EVI5: variants seen among roughly 807,000 people sequenced by gnomAD.
EVI5 encodes the protein ecotropic viral integration site 5 protein homolog.
EVI5 carries 73 observed loss-of-function variants against 112.0 expected under a neutral mutation model. That is an observed-to-expected ratio of 0.65 (90% CI 0.54 to 0.79). The LOEUF (loss-of-function observed/expected upper bound fraction) is 0.79, where lower values mean the gene tolerates loss of function less well. EVI5 is among the 30% of genes least tolerant of loss of function. The pLI, the probability that EVI5 is intolerant of heterozygous loss-of-function variation, is 0.00. For missense variants in EVI5, 900 were observed against 968.8 expected (o/e 0.93, Z 0.94); for synonymous variants, 305 against 319.9 (o/e 0.95, Z 0.50).
chr1:92,561,271 T>C (rs184983145), intron 19 of EVI5, among the ~76,000 whole-genome samples: 2 of 152,292 alleles, frequency 1.3e-5, no homozygotes, highest in Admixed American at 6.5e-5. Context: ...TTTGTAGCAG[T>C]TGCAAATTTC....
At chr1:92,766,194 G>A (rs369965779) in intron 1 of EVI5, among the ~76,000 whole-genome samples, 32 of 150,954 alleles carry the variant, frequency 2.1e-4, no homozygotes, top group East Asian at 9.7e-4. Flanking sequence ...TATTTAAGCT[G>A]CACCTAAAAT....
At chr1:92,747,716 C>CAA (rs3042578) in intron 1 of EVI5, among the ~76,000 whole-genome samples, 52,743 of 81,534 alleles carry the variant, frequency 0.65, 17,577 homozygotes, top group South Asian at 0.85. Flanking sequence ...TCCATCTCAC[C>CAA]AAAAAAAAAA....
Position 92,778,097 on chromosome 1 carries a change from CG to C in EVI5, c.-82+6738del, listed in dbSNP as rs555622254. Among the ~76,000 whole-genome samples the C allele has an allele frequency of 4.6e-3, 700 of 151,980 alleles. 4 individuals are homozygous for C. The highest frequency in any genetic ancestry group is 0.016 in the African/African-American group (679 of 41,450). ...CTAATTTTTGTATTTTTAGTAGAGACGGGGTTTCACCATGTTGGCCAGGATG... is the reference window on the plus strand; with the variant it reads ...CTAATTTTTGTATTTTTAGTAGAGACGGGTTTCACCATGTTGGCCAGGATG... On this transcript the variant is annotated intron_variant, in intron 1 of 19. Transcript: ENST00000684568.
At chr1:92,520,277 A>G (rs1660676145) in intron 19 of EVI5, among the ~76,000 whole-genome samples, 1 of 152,174 alleles carries the variant, frequency 6.6e-6, no homozygotes, top group African/African-American at 2.4e-5. Flanking sequence ...CTTGTGAAAA[A>G]TAAAATTTCC....
intron 9 of EVI5, among the ~76,000 whole-genome samples, chr1:92,683,996 G>A (rs1403312294): frequency 2.0e-5 from 3 of 152,144 alleles, no homozygotes; most frequent in African/African-American, 7.2e-5. Flanking sequence ...TTATCCAAAA[G>A]AACTTCCCTA....
intron 18 of EVI5, among the ~76,000 whole-genome samples, chr1:92,585,602 A>G (rs1342745902): frequency 1.3e-5 from 2 of 152,232 alleles, no homozygotes; most frequent in East Asian, 1.9e-4. Context: ...AAAATTTGAT[A>G]TAATTCCAAT....
At chr1:92,666,985 G>A (rs950305148) in intron 10 of EVI5, among the ~76,000 whole-genome samples, 1 of 152,052 alleles carries the variant, frequency 6.6e-6, no homozygotes, top group African/African-American at 2.4e-5. Context: ...ACGTTCATAG[G>A]CTAAACATCA....
chr1:92,676,583 A>C (rs1001016925), intron 10 of EVI5, among the ~76,000 whole-genome samples: 7 of 152,264 alleles, frequency 4.6e-5, no homozygotes, highest in Non-Finnish European at 1.0e-4. Context: ...CACCTCAAGA[A>C]TTCCGTGTTT....
At chr1:92,672,880 A>G (rs553837748) in intron 10 of EVI5, among the ~76,000 whole-genome samples, 10 of 152,340 alleles carry the variant, frequency 6.6e-5, no homozygotes, top group Non-Finnish European at 1.5e-5. Context: ...CTTGGAAAGC[A>G]GCAGCAGCAC....
At chr1:92,635,994 C>A (rs1042848031) in intron 14 of EVI5, among the ~76,000 whole-genome samples, 1 of 152,056 alleles carries the variant, frequency 6.6e-6, no homozygotes, top group Non-Finnish European at 1.5e-5. Flanking sequence ...CATTTTTATC[C>A]TTAAATACGG....
intron 6 of EVI5, among the ~76,000 whole-genome samples, chr1:92,696,002 C>T (rs1275865312): frequency 1.3e-5 from 2 of 151,332 alleles, no homozygotes; most frequent in African/African-American, 4.9e-5. Context: ...GTGATCTTGG[C>T]TCACTGCAAC....
At chr1:92,732,898 C>CAAAAAAAA (rs3042602) in intron 2 of EVI5, among the ~76,000 whole-genome samples, 1 of 89,072 alleles carries the variant, frequency 1.1e-5, no homozygotes, top group Non-Finnish European at 2.2e-5. Context: ...GACTCCATCT[C>CAAAAAAAA]AAAAAAAAAA....
intron 19 of EVI5, among the ~76,000 whole-genome samples, chr1:92,520,888 G>A (rs1490791841): frequency 6.6e-6 from 1 of 151,012 alleles, no homozygotes; most frequent in Non-Finnish European, 1.5e-5. Flanking sequence ...TGAAAATAGT[G>A]GCCTGCAAAA....
chr1:92,587,806 T>A (rs1285491865), intron 18 of EVI5, among the ~76,000 whole-genome samples: 1 of 152,228 alleles, frequency 6.6e-6, no homozygotes, highest in Non-Finnish European at 1.5e-5. Context: ...TGAAAAACTT[T>A]CCATTACTTG....
At chr1:92,734,528 T>C (rs1283454283) in intron 2 of EVI5, among the ~76,000 whole-genome samples, 5 of 152,180 alleles carry the variant, frequency 3.3e-5, no homozygotes, top group African/African-American at 1.2e-4. Flanking sequence ...TGCAGTGCAG[T>C]GGCATGATCT....
At chr1:92,677,076 T>G (rs1449255394) in intron 10 of EVI5, 82 bp downstream of exon 10, 2 of 837,730 alleles carry the variant, frequency 2.4e-6, no homozygotes, top group East Asian at 5.1e-5. Context: ...TTTATGAATA[T>G]AAGAAGTACA....
chr1:92,595,784 A>AT (rs1302261522), intron 18 of EVI5, among the ~76,000 whole-genome samples: 2 of 152,200 alleles, frequency 1.3e-5, no homozygotes, highest in Non-Finnish European at 2.9e-5. Context: ...CAGAGTTTGA[A>AT]TTTTGTCCCC....
intron 1 of EVI5, among the ~76,000 whole-genome samples, chr1:92,742,703 TA>T (rs1441730982): frequency 1.3e-5 from 2 of 151,654 alleles, no homozygotes; most frequent in Non-Finnish European, 2.9e-5. Context: ...TAAAATTAAA[TA>T]AAATGCAAAT....
rs1337355886 is a variant in EVI5, at chr1:92,584,604, G to A, written c.2070+20703C>T. 2.0e-5 allele frequency among the ~76,000 whole-genome samples: 3 copies of A among 152,072 alleles called. 1 individual carries two copies. The highest frequency in any genetic ancestry group is 4.1e-4 in the South Asian group (2 of 4,828). ...AATCAGAATGGTAAATGTGGTAAGC[G>A]GTAGCCTCTCCATGACTTCAAGGTG... On this transcript the variant is annotated intron_variant, in intron 18 of 19. Transcript: ENST00000684568.
Sources: allele counts gnomAD v4.1 joint callset (sites outside exome capture counted in the v4.1 genomes callset), GRCh38; gene constraint gnomAD v4.1.1; transcripts MANE v1.5; gene names NCBI Gene and HGNC (gene_info 2026-07-23, HGNC 2026-07-21).